Variants in ZNF385B observed in about 807,000 individuals in gnomAD.
The protein encoded by ZNF385B is zinc finger protein 533.
In ZNF385B, 23 loss-of-function variants were observed where a neutral mutation model predicts 39.2. That is an observed-to-expected ratio of 0.59 (90% CI 0.42 to 0.83). The LOEUF (loss-of-function observed/expected upper bound fraction) is 0.83. ZNF385B is among the 40% of genes least tolerant of loss of function. The pLI is 0.00. For synonymous variants in ZNF385B, 205 were observed against 222.6 expected (o/e 0.92, Z 0.70); for missense variants, 552 against 598.9 (o/e 0.92, Z 0.82).
chr2:179,639,881 C>G (rs911818291), intron 3 of ZNF385B, among the ~76,000 whole-genome samples: 1 of 152,150 alleles, frequency 6.6e-6, no homozygotes, highest in African/African-American at 2.4e-5. Context: ...CAGACACTAT[C>G]TTTATCTCAA....
At chr2:179,785,270 T>C (rs1300162753) in intron 1 of ZNF385B, among the ~76,000 whole-genome samples, 1 of 152,158 alleles carries the variant, frequency 6.6e-6, no homozygotes, top group Non-Finnish European at 1.5e-5. Flanking sequence ...CTGATACATG[T>C]TCAAATTGAG....
At chr2:179,693,327 G>C (rs1046813500) in intron 3 of ZNF385B, among the ~76,000 whole-genome samples, 1 of 152,164 alleles carries the variant, frequency 6.6e-6, no homozygotes, top group Non-Finnish European at 1.5e-5. Flanking sequence ...CAGGTGGGAT[G>C]CTGAATGACT....
intron 3 of ZNF385B, among the ~76,000 whole-genome samples, chr2:179,568,357 T>A (rs1210776342): frequency 2.6e-5 from 4 of 152,244 alleles, no homozygotes; most frequent in Admixed American, 1.3e-4. Flanking sequence ...TTGTTCATTA[T>A]CTCCTGTTAC....
intron 1 of ZNF385B, among the ~76,000 whole-genome samples, chr2:179,840,914 G>A (rs1000134106): frequency 6.6e-6 from 1 of 152,216 alleles, no homozygotes; most frequent in African/African-American, 2.4e-5. Flanking sequence ...AATTTAAATA[G>A]GTTGCTTTTC....
At chr2:179,496,858 G>A (rs994608235) in intron 5 of ZNF385B, among the ~76,000 whole-genome samples, 2 of 152,178 alleles carry the variant, frequency 1.3e-5, no homozygotes, top group Non-Finnish European at 2.9e-5. Flanking sequence ...AGACCAGCCT[G>A]GCCAACATGG....
intron 1 of ZNF385B, among the ~76,000 whole-genome samples, chr2:179,839,281 G>A (rs549808007): frequency 6.6e-5 from 10 of 152,062 alleles, no homozygotes; most frequent in South Asian, 4.1e-4. Flanking sequence ...ACCTAATCTC[G>A]AGGACCTTAC....
intron 3 of ZNF385B, among the ~76,000 whole-genome samples, chr2:179,575,618 T>A (rs968630657): frequency 4.6e-5 from 7 of 152,110 alleles, no homozygotes; most frequent in African/African-American, 1.7e-4. Context: ...CTCCATGTGG[T>A]AGCTGATTCT....
At chr2:179,805,495 C>T (rs1262323704) in intron 1 of ZNF385B, among the ~76,000 whole-genome samples, 1 of 152,132 alleles carries the variant, frequency 6.6e-6, no homozygotes, top group Admixed American at 6.5e-5. Flanking sequence ...TCTCATAATT[C>T]TAATCTGTAA....
At chr2:179,716,551 AC>A (rs906033626) in intron 3 of ZNF385B, among the ~76,000 whole-genome samples, 2 of 152,216 alleles carry the variant, frequency 1.3e-5, no homozygotes, top group African/African-American at 4.8e-5. Context: ...TGTGTAGCAA[AC>A]AGTATATTCC....
At chr2:179,736,698 G>A (rs1701780073) in intron 3 of ZNF385B, among the ~76,000 whole-genome samples, 1 of 152,164 alleles carries the variant, frequency 6.6e-6, no homozygotes, top group Non-Finnish European at 1.5e-5. Context: ...GGCCAGGCGT[G>A]TAGGCTCACG....
At chr2:179,447,251 T>C (rs1055215179) in intron 6 of ZNF385B, among the ~76,000 whole-genome samples, 1 of 152,200 alleles carries the variant, frequency 6.6e-6, no homozygotes, top group African/African-American at 2.4e-5. Flanking sequence ...GATTGTGGGA[T>C]AGAAGAAACA....
intron 3 of ZNF385B, among the ~76,000 whole-genome samples, chr2:179,655,385 A>C (rs954402330): frequency 6.6e-6 from 1 of 152,082 alleles, no homozygotes; most frequent in Non-Finnish European, 1.5e-5. Context: ...AAAGTTGCTC[A>C]TTTATGCTAT....
At chr2:179,613,658 CCTT>C (rs1266797808) in intron 3 of ZNF385B, among the ~76,000 whole-genome samples, 1 of 152,074 alleles carries the variant, frequency 6.6e-6, no homozygotes, top group African/African-American at 2.4e-5. Context: ...CTTTACTCTT[CCTT>C]CTTCTCTCAA....
intron 1 of ZNF385B, among the ~76,000 whole-genome samples, chr2:179,829,487 C>T (rs1364735704): frequency 2.0e-5 from 3 of 152,068 alleles, no homozygotes; most frequent in African/African-American, 7.2e-5. Context: ...GGGGGAAAAT[C>T]TAGGTAACCT....
intron 3 of ZNF385B, among the ~76,000 whole-genome samples, chr2:179,730,233 A>G (rs1191281360): frequency 6.6e-6 from 1 of 152,184 alleles, no homozygotes; most frequent in East Asian, 1.9e-4. Context: ...AATCATTAAT[A>G]ACTCTTAAAA....
chr2:179,635,814 G>C (rs1320654807), intron 3 of ZNF385B, among the ~76,000 whole-genome samples: 1 of 151,946 alleles, frequency 6.6e-6, no homozygotes, highest in Non-Finnish European at 1.5e-5. Flanking sequence ...AGATAATTCA[G>C]TCTTTCCTCT....
intron 5 of ZNF385B, among the ~76,000 whole-genome samples, chr2:179,509,784 C>G (rs984162409): frequency 2.0e-5 from 3 of 152,098 alleles, no homozygotes; most frequent in African/African-American, 7.2e-5. Context: ...TTCATTTATT[C>G]AACAATTTGT....
intron 3 of ZNF385B, among the ~76,000 whole-genome samples, chr2:179,676,511 C>T (rs912826204): frequency 3.9e-5 from 6 of 152,158 alleles, no homozygotes; most frequent in African/African-American, 7.2e-5. Context: ...GGCGTGAGGC[C>T]GACAGTATTT....
At chr2:179,553,887 G>T (rs2060736940) in intron 3 of ZNF385B, among the ~76,000 whole-genome samples, 1 of 148,442 alleles carries the variant, frequency 6.7e-6, no homozygotes. Flanking sequence ...AAATTAAGAT[G>T]ACACAGGCAA....
Sources: gnomAD v4.1 joint callset for allele counts (sites outside exome capture counted in the v4.1 genomes callset) on GRCh38, gnomAD v4.1.1 for gene constraint, MANE v1.5 for transcripts, NCBI Gene and HGNC (gene_info 2026-07-23, HGNC 2026-07-21) for gene names.